The following RBFOX1 variants were observed in gnomAD, a reference collection of about 807,000 sequenced individuals.
RBFOX1 encodes the protein RNA binding protein fox-1 homolog 1.
In RBFOX1, 8 loss-of-function variants were observed where a neutral mutation model predicts 57.7. The observed-to-expected ratio is 0.14, with a 90% CI of 0.08 to 0.25. The LOEUF is 0.25. RBFOX1 is among the 10% of genes least tolerant of loss of function. The pLI is 1.00. For missense variants in RBFOX1, 611 were observed against 548.5 expected (o/e 1.11, Z -1.14); for synonymous variants, 326 against 222.4 (o/e 1.47, Z -4.15).
chr16:5,770,556 T>A (rs2053944073), intron 3 of RBFOX1, among the ~76,000 whole-genome samples: 1 of 152,200 alleles, frequency 6.6e-6, no homozygotes, highest in South Asian at 2.1e-4. Flanking sequence ...GCTATCTGCC[T>A]ATGGGGTAGC....
At chr16:6,487,673 TAAAAAAAAAAAA>T (rs777856402) in intron 2 of RBFOX1, among the ~76,000 whole-genome samples, 3,619 of 38,360 alleles carry the variant, frequency 0.094, 197 homozygotes, top group South Asian at 0.15. Flanking sequence ...GTGATATATG[TAAAAAAAAAAAA>T]AAAAAAAAAA....
chr16:6,104,132 AACACACACACAC>A (rs112249231), intron 1 of RBFOX1, among the ~76,000 whole-genome samples: 1 of 148,374 alleles, frequency 6.7e-6, no homozygotes, highest in Non-Finnish European at 1.5e-5. Context: ...TCCCAGTTGA[AACACACACACAC>A]ACACACACAC....
intron 4 of RBFOX1, among the ~76,000 whole-genome samples, chr16:7,122,368 A>G (rs1468725981): frequency 2.0e-5 from 3 of 152,198 alleles, no homozygotes; most frequent in African/African-American, 4.8e-5. Flanking sequence ...CTTAGAGTAT[A>G]TTCATACTCC....
At chr16:6,306,746 A>T (rs1307280776) in intron 1 of RBFOX1, among the ~76,000 whole-genome samples, 2 of 152,140 alleles carry the variant, frequency 1.3e-5, no homozygotes, top group Non-Finnish European at 1.5e-5. Context: ...CCTGTCTTTT[A>T]TCATTGAACC....
downstream of RBFOX1, among the ~76,000 whole-genome samples, chr16:5,603,567 A>C (rs765457725): frequency 7.9e-5 from 12 of 152,194 alleles, no homozygotes; most frequent in South Asian, 2.1e-4. Context: ...ACACCTGGTC[A>C]ATTACTTGTG....
intron 3 of RBFOX1, among the ~76,000 whole-genome samples, chr16:5,704,041 T>C (rs1421479669): frequency 6.6e-6 from 1 of 152,142 alleles, no homozygotes; most frequent in Non-Finnish European, 1.5e-5. Flanking sequence ...TGAATGGTGC[T>C]CTTGGGTTGA....
At chr16:6,923,726 G>C (rs1293078718) in intron 3 of RBFOX1, among the ~76,000 whole-genome samples, 1 of 152,074 alleles carries the variant, frequency 6.6e-6, no homozygotes, top group East Asian at 1.9e-4. Context: ...TAGAAGGCCA[G>C]CAAAGTGGTC....
chr16:7,617,227 T>C lies in RBFOX1; in HGVS notation c.676+9889T>C, dbSNP rs186004723. Among the ~76,000 whole-genome samples, 51 of 152,302 alleles carry C rather than the reference T, an allele frequency of 3.3e-4. No homozygotes were observed. The East Asian group carries it at 8.9e-3, about 27-fold the overall frequency. The stretch of plus-strand genomic sequence containing the variant: ...GTTTTTGACTTTGTAATCCCTATGA[T>C]CCCTGTTTCAACTACTGAGTTCTGC... On this transcript the variant is annotated intron_variant, in intron 10 of 15. Coordinates refer to ENST00000550418, the MANE Select transcript of RBFOX1 (RefSeq NM_018723.4).
intron 3 of RBFOX1, among the ~76,000 whole-genome samples, chr16:6,881,214 A>C (rs981502244): frequency 6.6e-6 from 1 of 152,206 alleles, no homozygotes; most frequent in Non-Finnish European, 1.5e-5. Context: ...GAGAATAGCC[A>C]GGAGTCTGAG....
chr16:7,707,152 G>T (rs2082724405), intron 14 of RBFOX1, among the ~76,000 whole-genome samples: 1 of 152,186 alleles, frequency 6.6e-6, no homozygotes, highest in Non-Finnish European at 1.5e-5. Context: ...GCCTCATCTA[G>T]ATTATTTGCA....
At position 7,017,595 on chromosome 16, in the gene RBFOX1, G is replaced by T. The variant is rs148250184; in HGVS notation, c.-15-34462G>T. On this transcript the variant is annotated intron_variant, in intron 3 of 15. Transcript: ENST00000550418. ...GACTGCAAATTGTTGTTTTCATGAG[G>T]CTGGGGTCAAGGTACATTGTGGCCT... Among the ~76,000 whole-genome samples, 538 of 152,242 alleles carry T rather than the reference G, an allele frequency of 3.5e-3. 3 individuals are homozygous for T. Among genetic ancestry groups the T allele is most frequent in the Admixed American group, 6.8e-3 (104 of 15,290 alleles).
intron 14 of RBFOX1, among the ~76,000 whole-genome samples, chr16:7,699,561 T>C (rs2079971241): frequency 6.6e-6 from 1 of 152,206 alleles, no homozygotes; most frequent in Non-Finnish European, 1.5e-5. Flanking sequence ...CACATGTGGC[T>C]GTGGAGCCCT....
At chr16:5,791,509 G>A (rs748538270) in intron 3 of RBFOX1, among the ~76,000 whole-genome samples, 20 of 152,104 alleles carry the variant, frequency 1.3e-4, no homozygotes, top group Non-Finnish European at 1.9e-4. Flanking sequence ...TCATGCCTCT[G>A]TTCTCACTGC....
intron 2 of RBFOX1, among the ~76,000 whole-genome samples, chr16:6,645,630 A>G (rs1602543867): frequency 6.6e-6 from 1 of 152,122 alleles, no homozygotes; most frequent in East Asian, 1.9e-4. Context: ...GATGTCTAAA[A>G]TCTCAAAGAA....
chr16:6,904,673 G>C (rs1276704435), intron 3 of RBFOX1, among the ~76,000 whole-genome samples: 1 of 148,758 alleles, frequency 6.7e-6, no homozygotes, highest in African/African-American at 2.5e-5. Context: ...CCTGAGGACT[G>C]TTTGGGGAAG....
chr16:5,450,175 C>G (rs1267961759), intron 1 of RBFOX1, among the ~76,000 whole-genome samples: 3 of 152,108 alleles, frequency 2.0e-5, no homozygotes, highest in African/African-American at 7.2e-5. Flanking sequence ...GGATTTGAGC[C>G]CGATCCTTGT....
At chr16:7,610,540 C>G (rs763317197) in intron 10 of RBFOX1, among the ~76,000 whole-genome samples, 1 of 152,182 alleles carries the variant, frequency 6.6e-6, no homozygotes, top group African/African-American at 2.4e-5. Context: ...ACAAGTGTTA[C>G]ATGACAAATC....
intron 3 of RBFOX1, among the ~76,000 whole-genome samples, chr16:6,899,797 C>G (rs565856287): frequency 2.0e-5 from 3 of 152,196 alleles, no homozygotes; most frequent in Non-Finnish European, 4.4e-5. Context: ...GAAGTATGGA[C>G]ACCTTTTCAT....
chr16:7,638,626 G>A (rs1297092831), intron 11 of RBFOX1, among the ~76,000 whole-genome samples: 1 of 151,802 alleles, frequency 6.6e-6, no homozygotes, highest in African/African-American at 2.4e-5. Context: ...GTAAAAGGCT[G>A]GATGTTATTA....
Sources: gnomAD v4.1 joint callset for allele counts (sites outside exome capture counted in the v4.1 genomes callset) on GRCh38, gnomAD v4.1.1 for gene constraint, MANE v1.5 for transcripts, NCBI Gene and HGNC (gene_info 2026-07-23, HGNC 2026-07-21) for gene names.